The following ZNF514 variants were observed in gnomAD, a reference collection of about 807,000 sequenced individuals.
ZNF514 encodes zinc finger protein 514.
A neutral mutation model predicts 9.7 loss-of-function variants in ZNF514; 12 were observed. The observed-to-expected ratio is 1.24, with a 90% CI of 0.79 to 2.01. The LOEUF is 2.01. ZNF514 is among the 30% of genes most tolerant of loss of function. The pLI, the probability that ZNF514 is intolerant of heterozygous loss-of-function variation, is 0.00. For missense variants in ZNF514, 467 were observed against 465.5 expected (o/e 1.00, Z -0.03); for synonymous variants, 158 against 163.7 (o/e 0.97, Z 0.27).
downstream of ZNF514, among the ~76,000 whole-genome samples, chr2:95,141,128 C>T (rs551052822): frequency 5.9e-5 from 9 of 151,938 alleles, no homozygotes; most frequent in South Asian, 1.9e-3. Flanking sequence ...GTCATAAATC[C>T]CCACTAAAGA....
Position 95,147,901 on chromosome 2 carries a change from A to G in ZNF514, c.*1381T>C, listed in dbSNP as rs1673407976. 1 of 152,198 alleles carries G rather than the reference A, an allele frequency of 6.6e-6. No homozygotes were observed. Among genetic ancestry groups the G allele is most frequent in the Non-Finnish European group, 1.5e-5 (1 of 68,044 alleles). The allele number at this position is 152,198 out of a possible 1,614,324, so 9.4% of individuals were successfully genotyped here. On this transcript the variant is annotated 3_prime_UTR_variant, in exon 5 of 5. Transcript: ENST00000295208. ...TGATCTGTCCGCCTCGGCCTCCCAA[A>G]GTGCTGAGGTTACAGGCGTGAGCCA...
downstream of ZNF514, among the ~76,000 whole-genome samples, chr2:95,142,211 C>T (rs755003673): frequency 3.3e-5 from 5 of 152,156 alleles, no homozygotes; most frequent in African/African-American, 4.8e-5. Flanking sequence ...ACCAGACCAC[C>T]ATGATAAATA....
rs1222876876 is a variant in ZNF514 at position 95,146,361 on chromosome 2, G to A, written c.*2921C>T. 6.6e-6 allele frequency among the ~76,000 whole-genome samples: 1 copy of A among 152,142 alleles called. No individual in the cohort carries two copies. The highest frequency in any genetic ancestry group is 1.5e-5 in the Non-Finnish European group (1 of 68,034). On this transcript the variant is annotated 3_prime_UTR_variant, in exon 5 of 5. Coordinates refer to ENST00000295208, the MANE Select transcript of ZNF514 (RefSeq NM_032788.3). ...TTTATGATTACAAATGGTAAGATAT[G>A]ACTTCATATCAGTTTTCAAGAGAAC...
At chr2:95,130,284 A>T in the ZNF514 span, among the ~76,000 whole-genome samples, 1 of 152,216 alleles carries the variant, frequency 6.6e-6, no homozygotes, top group Non-Finnish European at 1.5e-5. Flanking sequence ...GAATATCACA[A>T]GGCAAGTGGA....
At chr2:95,124,161 TCACCTGTG>T in the ZNF514 span, among the ~76,000 whole-genome samples, 1 of 152,348 alleles carries the variant, frequency 6.6e-6, no homozygotes, top group South Asian at 2.1e-4. Context: ...ATCTCCAAGA[TCACCTGTG>T]CATCTCCCTT....
downstream of ZNF514, among the ~76,000 whole-genome samples, chr2:95,140,618 AATAT>A (rs373216299): frequency 6.7e-6 from 1 of 149,874 alleles, no homozygotes; most frequent in African/African-American, 2.4e-5. Flanking sequence ...ATCTTGAAAA[AATAT>A]ATATATATAT....
the ZNF514 span, among the ~76,000 whole-genome samples, chr2:95,132,188 A>G: frequency 1.1e-4 from 17 of 151,630 alleles, no homozygotes; most frequent in Non-Finnish European, 2.9e-5. Flanking sequence ...AGAAAATTAA[A>G]TGACAAGCTA....
chr2:95,129,825 C>T, the ZNF514 span, among the ~76,000 whole-genome samples: 2 of 152,238 alleles, frequency 1.3e-5, no homozygotes, highest in South Asian at 4.1e-4. Context: ...TTATTTAAAA[C>T]AGAGTTTGGG....
At chr2:95,151,809 A>AG in intron 4 of ZNF514, among the ~76,000 whole-genome samples, 1 of 152,186 alleles carries the variant, frequency 6.6e-6, no homozygotes, top group Non-Finnish European at 1.5e-5. Flanking sequence ...ACTGTTAAAT[A>AG]AACAGATGAC....
At chr2:95,132,434 C>A in the ZNF514 span, among the ~76,000 whole-genome samples, 1 of 152,134 alleles carries the variant, frequency 6.6e-6, no homozygotes, top group Non-Finnish European at 1.5e-5. Flanking sequence ...TCCCTACACA[C>A]CTATCAAAAT....
chr2:95,141,415 C>A (rs896316128), downstream of ZNF514, among the ~76,000 whole-genome samples: 5 of 152,162 alleles, frequency 3.3e-5, no homozygotes, highest in Non-Finnish European at 5.9e-5. Flanking sequence ...CCATTTGGTT[C>A]ACTCCCCTGG....
chr2:95,133,312 C>T, the ZNF514 span, among the ~76,000 whole-genome samples: 2 of 152,060 alleles, frequency 1.3e-5, no homozygotes, highest in African/African-American at 2.4e-5. Context: ...CCAGCCTGGG[C>T]GACAGAGCAA....
chr2:95,157,903 G>C lies in ZNF514; in HGVS notation c.-95-464C>G, dbSNP rs567635593. ...CTCTCCCCTCATCCTTGGGAACCCA[G>C]CTCAGAGGCCACCTCTTTCTGAGAA... On this transcript the variant is annotated intron_variant, in intron 1 of 4. Transcript: ENST00000295208. Among the ~76,000 whole-genome samples the C allele has an allele frequency of 1.2e-4, 19 of 152,326 alleles. No homozygotes were observed. The East Asian group carries it at 3.7e-3, about 29-fold the overall frequency.
At chr2:95,143,386 C>T (rs1353869587), downstream of ZNF514, among the ~76,000 whole-genome samples, 4 of 152,002 alleles carry the variant, frequency 2.6e-5, no homozygotes, top group South Asian at 2.1e-4. Context: ...TTTGGGAGGC[C>T]GAGGCGGGTG....
At chr2:95,158,869 G>T (rs1477494697) in intron 1 of ZNF514, 1 of 1,289,652 alleles carries the variant, frequency 7.8e-7, no homozygotes, top group Admixed American at 2.3e-5. Context: ...CCCTTCAGTG[G>T]GATTCCCCGG....
chr2:95,141,251 G>A (rs1471411841), downstream of ZNF514, among the ~76,000 whole-genome samples: 1 of 152,056 alleles, frequency 6.6e-6, no homozygotes, highest in Non-Finnish European at 1.5e-5. Context: ...AACTCCATAA[G>A]GCATTAACGC....
chr2:95,150,233 C>T lies in ZNF514; in HGVS notation c.252G>A (p.Met84Ile). The T allele has an allele frequency of 1.3e-6, 2 of 1,577,722 alleles. No individual in the cohort carries two copies. Among genetic ancestry groups the T allele is most frequent in the Non-Finnish European group, 1.7e-6 (2 of 1,165,254 alleles). The change falls in exon 5 of 5, where the codon ATG becomes ATA. Residue 84 changes from methionine (M) to isoleucine (I), a missense_variant. Physicochemically the swap from Met to Ile is conservative, Grantham distance 10. Coordinates refer to ENST00000295208, the MANE Select transcript of ZNF514 (RefSeq NM_032788.3). ...WKRRSKSKESMPSWGISKEEL... is the reference protein window; with the variant it reads ...WKRRSKSKESIPSWGISKEEL... ...CTTCTTTGGAAATTCCCCAACTTGG[C>T]ATTGATTCCTTGGATTTAGACCTTC...
chr2:95,158,951 CTCCAGAGCCA>C (rs1384929774), intron 1 of ZNF514: 1 of 1,289,552 alleles, frequency 7.8e-7, no homozygotes, highest in East Asian at 5.5e-5. Flanking sequence ...CCTCTGCACG[CTCCAGAGCCA>C]AACCTGATGC....
the ZNF514 span, among the ~76,000 whole-genome samples, chr2:95,131,414 C>T: frequency 6.6e-6 from 1 of 152,214 alleles, no homozygotes; most frequent in African/African-American, 2.4e-5. Context: ...GTTATCTCTC[C>T]CTCTTAATAC....
Sources: allele counts gnomAD v4.1 joint callset (sites outside exome capture counted in the v4.1 genomes callset), GRCh38; gene constraint gnomAD v4.1.1; transcripts MANE v1.5; gene names NCBI Gene and HGNC (gene_info 2026-07-23, HGNC 2026-07-21).